The following CHD6 variants were observed in gnomAD, a reference collection of about 807,000 sequenced individuals.
CHD6 encodes the protein chromodomain helicase DNA binding protein 6, also known as ATP-dependent chromatin remodeler CHD6.
Under a neutral mutation model 276.9 loss-of-function variants are expected in CHD6, and 50 were observed. That is an observed-to-expected ratio of 0.18 (90% CI 0.14 to 0.23). The LOEUF (loss-of-function observed/expected upper bound fraction) is 0.23, where lower values mean the gene tolerates loss of function less well. Ranked by LOEUF, CHD6 falls within the 10% of genes least tolerant of loss-of-function variation. The probability of loss-of-function intolerance (pLI) is 1.00; values close to 1 mark genes in which losing one functional copy is unlikely to be tolerated. For synonymous variants in CHD6, 1,173 were observed against 1,229.3 expected (o/e 0.95, Z 0.96); for missense variants, 2,564 against 3,365.8 (o/e 0.76, Z 5.89).
chr20:41,458,700 T>C (rs1238114619), intron 17 of CHD6, among the ~76,000 whole-genome samples: 2 of 152,182 alleles, frequency 1.3e-5, no homozygotes, highest in African/African-American at 4.8e-5. Flanking sequence ...TTTCAACATA[T>C]TCCACACTCC....
Position 41,537,758 on chromosome 20 carries a change from T to A in CHD6, c.34-4188A>T, listed in dbSNP as rs1000282447. 2.6e-5 allele frequency among the ~76,000 whole-genome samples: 4 copies of A among 152,160 alleles called. 1 individual carries two copies. Among genetic ancestry groups the A allele is most frequent in the South Asian group, 4.1e-4 (2 of 4,826 alleles). On this transcript the variant is annotated intron_variant, in intron 2 of 36. Coordinates refer to ENST00000373233, the MANE Select transcript of CHD6 (RefSeq NM_032221.5). ...TAATTTTGGCAAGGATACAGAGGAA[T>A]TGAAACTTTCATACATTGTTGGTGG...
At chr20:41,527,407 C>T (rs2044568350) in intron 3 of CHD6, among the ~76,000 whole-genome samples, 1 of 151,818 alleles carries the variant, frequency 6.6e-6, no homozygotes, top group Admixed American at 6.6e-5. Flanking sequence ...GGCGACAGAG[C>T]GAGACCCTGT....
chr20:41,547,276 C>A (rs528918043), intron 2 of CHD6: 9 of 170,726 alleles, frequency 5.3e-5, no homozygotes, highest in African/African-American at 2.1e-4. Flanking sequence ...TAATCCTAAT[C>A]TTATGATGTG....
At chr20:41,603,732 C>T (rs368153854) in intron 1 of CHD6, among the ~76,000 whole-genome samples, 10 of 152,054 alleles carry the variant, frequency 6.6e-5, no homozygotes, top group Admixed American at 4.6e-4. Flanking sequence ...CTAGGCTTGG[C>T]GGTGTGCACC....
At chr20:41,425,663 C>T (rs3903415) in intron 28 of CHD6, among the ~76,000 whole-genome samples, 1 of 152,052 alleles carries the variant, frequency 6.6e-6, no homozygotes, top group Admixed American at 6.6e-5. Context: ...GGACTTTGCT[C>T]TAAAGCACAG....
rs760557686 is a variant in CHD6 at position 41,415,275 on chromosome 20, T to A, written c.6850A>T (p.Thr2284Ser). The stretch of plus-strand genomic sequence containing the variant: ...TTCCGCCTCCCTCTCCGCCTCCTCG[T>A]GGCTGCATCATCTCTTCTGAGGCTT... ...NGSLRRDDAA[T>S]RRRRGRRKHV... is the part of the protein sequence containing the mutation. The change falls in exon 34 of 37, where the codon ACG (threonine) becomes TCG (serine). Residue 2284 changes from threonine (T) to serine (S), a missense_variant. By Grantham distance (58) the Thr-to-Ser change is moderately conservative. Around this residue, in one of 7 missense-constraint regions of CHD6, gnomAD observed 1,024 missense variants for 1,047.9 expected, o/e 0.98. Transcript: ENST00000373233. 6.2e-7 allele frequency: 1 copy of A among 1,614,200 alleles called. No homozygotes were observed. The highest frequency in any genetic ancestry group is 1.3e-5 in the African/African-American group (1 of 75,056).
chr20:41,551,856 G>A (rs970446336), intron 1 of CHD6, among the ~76,000 whole-genome samples: 1 of 152,058 alleles, frequency 6.6e-6, no homozygotes, highest in Non-Finnish European at 1.5e-5. Context: ...ATTATTTGAC[G>A]ATTTAAACCA....
chr20:41,515,869 T>C (rs1179742681), intron 3 of CHD6, among the ~76,000 whole-genome samples: 1 of 152,246 alleles, frequency 6.6e-6, no homozygotes, highest in Non-Finnish European at 1.5e-5. Context: ...GCTTTATGCA[T>C]AGTAAGTATT....
At chr20:41,580,897 C>T (rs77536319) in intron 1 of CHD6, among the ~76,000 whole-genome samples, 5,798 of 152,102 alleles carry the variant, frequency 0.038, 127 homozygotes, top group Middle Eastern at 0.071. Flanking sequence ...GCAGATTGTT[C>T]CTAAGGTAAG....
intron 25 of CHD6, among the ~76,000 whole-genome samples, chr20:41,444,063 A>G (rs534710035): frequency 7.2e-5 from 11 of 152,288 alleles, no homozygotes; most frequent in Non-Finnish European, 1.3e-4. Context: ...TAAAACCACC[A>G]CTGAAATGAG....
intron 27 of CHD6, among the ~76,000 whole-genome samples, chr20:41,432,284 C>G (rs750811221): frequency 3.3e-5 from 5 of 152,054 alleles, no homozygotes; most frequent in Non-Finnish European, 5.9e-5. Context: ...ATACCCCAGC[C>G]CAACAATGCA....
intron 3 of CHD6, among the ~76,000 whole-genome samples, chr20:41,521,996 C>T (rs1169675662): frequency 6.6e-6 from 1 of 152,074 alleles, no homozygotes; most frequent in Non-Finnish European, 1.5e-5. Flanking sequence ...AGGGGGAGCT[C>T]TTGTTTACTA....
chr20:41,482,607 G>T, intron 16 of CHD6: 1 of 476,864 alleles, frequency 2.1e-6, no homozygotes, highest in Non-Finnish European at 4.1e-6. Context: ...TTATCATTAA[G>T]AATGAATTTT....
chr20:41,570,915 A>G (rs901079505), intron 1 of CHD6, among the ~76,000 whole-genome samples: 1 of 152,194 alleles, frequency 6.6e-6, no homozygotes, highest in Non-Finnish European at 1.5e-5. Flanking sequence ...TCCAGATTCA[A>G]CTGCTAACTT....
Position 41,580,424 on chromosome 20 carries a change from G to GGCT in CHD6, c.-23-29067_-23-29065dup, listed in dbSNP as rs377648934. ...CCCCTGTAATCCTAGCACTTAGGGA[G>GGCT]GCTGAGGATGGCTTGAGCCCAGAAG... is the stretch of plus-strand genomic sequence containing the variant. On this transcript the variant is annotated intron_variant, in intron 1 of 36. Transcript: ENST00000373233. Among the ~76,000 whole-genome samples the GGCT allele has an allele frequency of 5.0e-3, 753 of 152,104 alleles. 4 individuals are homozygous for GGCT. The highest frequency in any genetic ancestry group is 0.041 in the Middle Eastern group (12 of 294).
intron 3 of CHD6, among the ~76,000 whole-genome samples, chr20:41,523,842 A>G (rs954555175): frequency 1.3e-5 from 2 of 152,220 alleles, no homozygotes; most frequent in Non-Finnish European, 2.9e-5. Flanking sequence ...TCGTACTACT[A>G]TGAATCTTTT....
intron 3 of CHD6, among the ~76,000 whole-genome samples, chr20:41,530,719 A>C (rs149462812): frequency 6.6e-6 from 1 of 152,372 alleles, no homozygotes; most frequent in East Asian, 1.9e-4. Flanking sequence ...AGAACCCTGG[A>C]GTACATAGAA....
intron 17 of CHD6, among the ~76,000 whole-genome samples, chr20:41,471,489 T>C (rs554820748): frequency 2.0e-5 from 3 of 152,250 alleles, no homozygotes; most frequent in East Asian, 1.9e-4. Flanking sequence ...TTCTTTGAGG[T>C]TGCATGTTGA....
chr20:41,456,093 A>G (rs1294386006), intron 18 of CHD6, 114 bp from the exon 19 acceptor site: 1 of 1,021,744 alleles, frequency 9.8e-7, no homozygotes, highest in East Asian at 2.7e-5. Context: ...ACATGTTAGA[A>G]CAAAGGACGT....
Sources: allele counts gnomAD v4.1 joint callset (sites outside exome capture counted in the v4.1 genomes callset), GRCh38; gene constraint gnomAD v4.1.1; regional missense constraint gnomAD v4.1.1; transcripts MANE v1.5; gene names NCBI Gene and HGNC (gene_info 2026-07-23, HGNC 2026-07-21).